IMPG1: variants seen among roughly 807,000 people sequenced by gnomAD.
IMPG1 encodes interphotoreceptor matrix proteoglycan 1, also known as interphotoreceptor matrix proteoglycan of 150 kDa.
A neutral mutation model predicts 92.0 loss-of-function variants in IMPG1; 85 were observed. The ratio of observed to expected loss-of-function variants is 0.92; its 90% confidence interval spans 0.78 to 1.11. The LOEUF is 1.11. Ranked by LOEUF, IMPG1 falls within the 50% of genes least tolerant of loss-of-function variation. IMPG1 has a pLI of 0.00. For missense variants in IMPG1, 1,022 were observed against 956.0 expected, an observed-to-expected ratio of 1.07 and a Z score of -0.91; for synonymous variants, 367 against 334.1, an observed-to-expected ratio of 1.10 and a Z score of -1.08.
At chr6:75,982,860 A>C (rs1782651258) in intron 12 of IMPG1, among the ~76,000 whole-genome samples, 1 of 152,088 alleles carries the variant, frequency 6.6e-6, no homozygotes, top group South Asian at 2.1e-4. Flanking sequence ...AAGGGTGAGG[A>C]ACACCCTCAT....
At chr6:75,959,495 C>A (rs1279342676) in intron 12 of IMPG1, among the ~76,000 whole-genome samples, 11 of 152,186 alleles carry the variant, frequency 7.2e-5, no homozygotes, top group African/African-American at 2.7e-4. Flanking sequence ...GGTGCTCTGT[C>A]CCAGGGAGAT....
chr6:75,923,139 A>G (rs1359972089), intron 16 of IMPG1, among the ~76,000 whole-genome samples: 2 of 152,124 alleles, frequency 1.3e-5, no homozygotes, highest in Non-Finnish European at 2.9e-5. Flanking sequence ...AAGTTGATTA[A>G]GTGAATATTT....
chr6:75,945,036 C>T (rs957125694), intron 14 of IMPG1, among the ~76,000 whole-genome samples: 22 of 152,304 alleles, frequency 1.4e-4, no homozygotes, highest in African/African-American at 5.1e-4. Flanking sequence ...CTGACGTTAG[C>T]ACCATCTCAT....
chr6:76,071,159 T>A (rs1784397938), intron 1 of IMPG1, among the ~76,000 whole-genome samples: 2 of 148,232 alleles, frequency 1.3e-5, no homozygotes, highest in African/African-American at 4.9e-5. Flanking sequence ...TTATATGACA[T>A]ATAATTGTTA....
intron 4 of IMPG1, among the ~76,000 whole-genome samples, chr6:76,032,780 A>T (rs993639869): frequency 6.6e-6 from 1 of 152,084 alleles, no homozygotes; most frequent in Non-Finnish European, 1.5e-5. Flanking sequence ...TCCAAGCAAG[A>T]GGGAAAGGCT....
chr6:76,057,475 C>A (rs77299793), intron 1 of IMPG1, among the ~76,000 whole-genome samples: 3,943 of 152,186 alleles, frequency 0.026, 145 homozygotes, highest in African/African-American at 0.087. Context: ...AGTGCTTCCT[C>A]AAAGTGGGGC....
chr6:75,934,967 C>G (rs553108171), intron 14 of IMPG1: 21 of 471,394 alleles, frequency 4.5e-5, no homozygotes, highest in Non-Finnish European at 8.8e-5. Flanking sequence ...GGATCCTGTC[C>G]AAGGGCAAGG....
intron 15 of IMPG1, among the ~76,000 whole-genome samples, chr6:75,924,451 CATA>C (rs1163826564): frequency 1.2e-5 from 1 of 80,132 alleles, no homozygotes; most frequent in Non-Finnish European, 2.4e-5. Flanking sequence ...TATAATATAA[CATA>C]ATTATATAAT....
rs1352527984 is a variant in IMPG1 at position 76,069,744 on chromosome 6, TC to T, written c.67+2677del. On this transcript the variant is annotated intron_variant, in intron 1 of 16. Transcript: ENST00000369950. ...AACCTAGGTGCCCATCATTGGTTGA[TC>T]AAAAAAAAAAAAATGTGGTATATAT... is the stretch of plus-strand genomic sequence containing the variant. Among the ~76,000 whole-genome samples the T allele has an allele frequency of 3.4e-3, 94 of 27,248 alleles. 2 individuals carry two copies. In the South Asian group the frequency reaches 0.1, roughly 29 times the overall value. The allele number at this position is 27,248 out of a possible 152,430, so 17.9% of individuals were successfully genotyped here. A position where few individuals can be genotyped will look rare whatever the true frequency, so the allele number is the denominator to read the frequency against.
chr6:76,020,095 C>T (rs1783391560), intron 6 of IMPG1, among the ~76,000 whole-genome samples: 1 of 152,148 alleles, frequency 6.6e-6, no homozygotes, highest in Non-Finnish European at 1.5e-5. Flanking sequence ...CACTCTGTCA[C>T]CCAGGCTGGA....
In IMPG1 at chr6:76,026,999, C is replaced by CTG. The variant is rs754522244; in HGVS notation, c.498-1743_498-1742dup. On this transcript the variant is annotated intron_variant, in intron 4 of 16. Transcript: ENST00000369950. ...AGTGACTAGGTTTTCTTCTGCCTCT[C>CTG]TGTGTGTGTACTGTGTGTAACGTCT... is the stretch of plus-strand genomic sequence containing the variant. Among the ~76,000 whole-genome samples, 186 of 152,272 alleles carry CTG rather than the reference C, an allele frequency of 1.2e-3. 1 individual carries two copies. The highest frequency in any genetic ancestry group is 4.3e-3 in the African/African-American group (179 of 41,564).
In IMPG1 at chr6:75,971,951, T is replaced by C. The variant is rs77093256; in HGVS notation, c.1292-20857A>G. Among the ~76,000 whole-genome samples the C allele has an allele frequency of 2.3e-3, 357 of 152,322 alleles. 6 individuals carry two copies. The East Asian group carries it at 0.057, about 24-fold the overall frequency. On this transcript the variant is annotated intron_variant, in intron 12 of 16. Coordinates refer to ENST00000369950, the MANE Select transcript of IMPG1 (RefSeq NM_001563.4). ...ATTCTCCTTTGAACTGGTTGTAATA[T>C]CTTACTTGGTTCCTCATTAATTAGT...
chr6:75,956,267 T>C (rs1782118439), intron 12 of IMPG1, among the ~76,000 whole-genome samples: 1 of 152,230 alleles, frequency 6.6e-6, no homozygotes, highest in African/African-American at 2.4e-5. Flanking sequence ...ACTGCCTCAA[T>C]TTCAGAACTT....
chr6:75,955,576 T>A (rs944414397), intron 12 of IMPG1, among the ~76,000 whole-genome samples: 1 of 152,192 alleles, frequency 6.6e-6, no homozygotes, highest in Non-Finnish European at 1.5e-5. Context: ...CTCTTCCTAT[T>A]TGAATACCCT....
intron 2 of IMPG1, among the ~76,000 whole-genome samples, chr6:76,034,999 C>CGT (rs148840963): frequency 0.036 from 5,461 of 149,918 alleles, 120 homozygotes; most frequent in African/African-American, 0.045. Context: ...ATATTATGTG[C>CGT]GTGTGTGTGT....
intron 1 of IMPG1, among the ~76,000 whole-genome samples, chr6:76,063,021 T>C (rs1013408988): frequency 2.0e-5 from 3 of 151,798 alleles, no homozygotes; most frequent in African/African-American, 7.3e-5. Context: ...CTGGCCAATA[T>C]AGTGAAACCC....
intron 2 of IMPG1, among the ~76,000 whole-genome samples, chr6:76,040,829 A>G (rs978375512): frequency 6.6e-6 from 1 of 152,248 alleles, no homozygotes; most frequent in African/African-American, 2.4e-5. Context: ...ACTTGGGCAC[A>G]TCTAACAAAA....
At chr6:76,065,537 T>TA (rs952078063) in intron 1 of IMPG1, among the ~76,000 whole-genome samples, 2 of 151,922 alleles carry the variant, frequency 1.3e-5, no homozygotes, top group Admixed American at 1.3e-4. Flanking sequence ...CAGACAAGAA[T>TA]AAAAAAATTT....
rs1784419871 is a variant in IMPG1 at position 76,072,619 on chromosome 6, C to A, written c.-131G>T. ...GATTGAGGATAACCTTCTTGGTTTA[C>A]CTTTATGAGGGTGTTAATTTATGAA... is the stretch of plus-strand genomic sequence containing the variant. On this transcript the variant is annotated 5_prime_UTR_variant, in exon 1 of 17. Coordinates refer to ENST00000369950, the MANE Select transcript of IMPG1 (RefSeq NM_001563.4). The A allele has an allele frequency of 1.8e-6, 1 of 567,746 alleles. No homozygotes were observed. Among genetic ancestry groups the A allele is most frequent in the Non-Finnish European group, 3.1e-6 (1 of 325,438 alleles). 35.2% of individuals were successfully genotyped at this position (567,746 alleles called of 1,614,324 possible). A position where few individuals can be genotyped will look rare whatever the true frequency, so the allele number is the denominator to read the frequency against.
Sources: gnomAD v4.1 joint callset for allele counts (sites outside exome capture counted in the v4.1 genomes callset) on GRCh38, gnomAD v4.1.1 for gene constraint, MANE v1.5 for transcripts, NCBI Gene and HGNC (gene_info 2026-07-23, HGNC 2026-07-21) for gene names.